FUBP3: variants seen among roughly 807,000 people sequenced by gnomAD.
FUBP3 encodes the protein far upstream element binding protein 3.
In FUBP3, 28 loss-of-function variants were observed where a neutral mutation model predicts 85.6. The observed-to-expected ratio is 0.33, with a 90% CI of 0.24 to 0.45. FUBP3 has a LOEUF of 0.45. Among genes scored for constraint, FUBP3 ranks in the 20% least tolerant of loss-of-function variants. The pLI, the probability that FUBP3 is intolerant of heterozygous loss-of-function variation, is 1.00. For missense variants in FUBP3, 583 were observed against 755.1 expected (o/e 0.77, Z 2.67); for synonymous variants, 271 against 271.4 (o/e 1.00, Z 0.01).
chr9:130,603,440 C>G (rs7851693), intron 2 of FUBP3, among the ~76,000 whole-genome samples: 49,932 of 151,488 alleles, frequency 0.33, 8,634 homozygotes, highest in East Asian at 0.5. Context: ...TGCCCTACCC[C>G]CCTACCTCAG....
intron 2 of FUBP3, among the ~76,000 whole-genome samples, chr9:130,599,328 TAC>T (rs1283902910): frequency 7.0e-6 from 1 of 143,882 alleles, no homozygotes. Flanking sequence ...TACACATATA[TAC>T]ACACATATAT....
At chr9:130,586,052 G>A (rs2119002807) in intron 1 of FUBP3, among the ~76,000 whole-genome samples, 1 of 152,330 alleles carries the variant, frequency 6.6e-6, no homozygotes, top group East Asian at 1.9e-4. Context: ...AGGCTGGAAT[G>A]CAGTGGCACG....
In FUBP3 at chr9:130,632,624, C is replaced by T. The variant is rs531440356; in HGVS notation, c.1510+346C>T. Among the ~76,000 whole-genome samples, 10 of 152,350 alleles carry T rather than the reference C, an allele frequency of 6.6e-5. No homozygotes were observed. The South Asian group carries it at 1.9e-3, about 28-fold the overall frequency. On this transcript the variant is annotated intron_variant, in intron 16 of 18. Coordinates refer to ENST00000319725, the MANE Select transcript of FUBP3 (RefSeq NM_003934.2). ...TGAGCCAGCTTCTGCTCCTCCTCTT[C>T]TCCACCCCTTGAGGGGCTGGTTCCT... is the stretch of plus-strand genomic sequence containing the variant.
chr9:130,597,027 C>T (rs1247169254), intron 2 of FUBP3, among the ~76,000 whole-genome samples: 1 of 151,628 alleles, frequency 6.6e-6, no homozygotes, highest in Admixed American at 6.6e-5. Flanking sequence ...AACCCCCCTC[C>T]CCCCTGAGTC....
rs1278867590 is a variant in FUBP3, at chr9:130,637,160, G to T, written c.*138G>T. On this transcript the variant is annotated 3_prime_UTR_variant, in exon 19 of 19. Transcript: ENST00000319725. ...TGTGAAACACTATATTTAGATTAAC[G>T]GAATTTTTCTAAAAATCAGGAAAAT... is the stretch of plus-strand genomic sequence containing the variant. 2.9e-6 allele frequency: 2 copies of T among 690,714 alleles called. No homozygotes were observed. Among genetic ancestry groups the T allele is most frequent in the Non-Finnish European group, 5.0e-6 (2 of 398,484 alleles). The allele number at this position is 690,714 out of a possible 1,614,324, so 42.8% of individuals were successfully genotyped here. A position where few individuals can be genotyped will look rare whatever the true frequency, so the allele number is the denominator to read the frequency against.
chr9:130,631,217 C>CGT, intron 13 of FUBP3: 1 of 1,222,560 alleles, frequency 8.2e-7, no homozygotes, highest in Non-Finnish European at 1.0e-6. Flanking sequence ...ACAGATGGGC[C>CGT]ACTGCTCACC....
chr9:130,582,938 A>G (rs1421755703), intron 1 of FUBP3, among the ~76,000 whole-genome samples: 1 of 152,168 alleles, frequency 6.6e-6, no homozygotes, highest in Non-Finnish European at 1.5e-5. Flanking sequence ...AACTACTAAT[A>G]CTTTTTAGGA....
intron 1 of FUBP3, among the ~76,000 whole-genome samples, chr9:130,591,319 T>C (rs1160287331): frequency 6.6e-6 from 1 of 152,128 alleles, no homozygotes; most frequent in East Asian, 1.9e-4. Flanking sequence ...GGCGCATGCC[T>C]GTAACCCCAG....
chr9:130,626,862 G>T (rs1247362203), intron 12 of FUBP3, among the ~76,000 whole-genome samples: 1 of 152,204 alleles, frequency 6.6e-6, no homozygotes, highest in Non-Finnish European at 1.5e-5. Context: ...AACTTAGAGG[G>T]ACGGTTGAGA....
At chr9:130,597,517 G>A (rs775194204) in intron 2 of FUBP3, among the ~76,000 whole-genome samples, 1 of 152,082 alleles carries the variant, frequency 6.6e-6, no homozygotes, top group South Asian at 2.1e-4. Context: ...TTTTCATCAC[G>A]CCATCAGCAA....
At chr9:130,583,571 T>C (rs1830219570) in intron 1 of FUBP3, among the ~76,000 whole-genome samples, 1 of 152,204 alleles carries the variant, frequency 6.6e-6, no homozygotes, top group South Asian at 2.1e-4. Flanking sequence ...GCTCAAGTCA[T>C]CATTTCACAA....
intron 3 of FUBP3, among the ~76,000 whole-genome samples, chr9:130,611,296 G>C (rs1189174165): frequency 6.6e-6 from 1 of 152,208 alleles, no homozygotes; most frequent in Non-Finnish European, 1.5e-5. Context: ...AGCACATCCT[G>C]ACAGGGACCT....
chr9:130,581,474 C>A (rs1443377289), intron 1 of FUBP3: 1 of 152,142 alleles, frequency 6.6e-6, no homozygotes, highest in Non-Finnish European at 1.5e-5. Flanking sequence ...CATACTATCT[C>A]CAAGGATTTG....
chr9:130,623,494 A>T, intron 10 of FUBP3, 117 bp from the exon 11 acceptor site: 1 of 689,578 alleles, frequency 1.5e-6, no homozygotes, highest in Non-Finnish European at 2.6e-6. Flanking sequence ...AGCTGGCAGT[A>T]TTCCTGTTGC....
chr9:130,609,740 G>C (rs894879725), intron 2 of FUBP3, among the ~76,000 whole-genome samples: 1 of 152,224 alleles, frequency 6.6e-6, no homozygotes, highest in African/African-American at 2.4e-5. Context: ...CCTGTGTTCA[G>C]CTGGACACTG....
Position 130,636,503 on chromosome 9 carries a change from G to A in FUBP3, c.1710+377G>A, listed in dbSNP as rs183264583. Among the ~76,000 whole-genome samples the A allele has an allele frequency of 2.3e-4, 35 of 152,372 alleles. No individual in the cohort carries two copies. In the East Asian group the frequency reaches 6.0e-3, roughly 26 times the overall value. On this transcript the variant is annotated intron_variant, in intron 18 of 18. Coordinates refer to ENST00000319725, the MANE Select transcript of FUBP3 (RefSeq NM_003934.2). Reference sequence around the variant, plus strand: ...GCGCTCCGGCGACTGCTCTCGAGGAGGGTGGAGTGGCCAGGCCGTCAGCCA... The same window carrying A: ...GCGCTCCGGCGACTGCTCTCGAGGAAGGTGGAGTGGCCAGGCCGTCAGCCA...
intron 12 of FUBP3, among the ~76,000 whole-genome samples, chr9:130,629,959 C>T (rs1335274463): frequency 6.6e-6 from 1 of 152,236 alleles, no homozygotes; most frequent in Non-Finnish European, 1.5e-5. Flanking sequence ...GACTGAGACT[C>T]TCCGCAGGTT....
Position 130,616,613 on chromosome 9 carries a change from T to C in FUBP3, c.567+96T>C. 8.2e-7 allele frequency: 1 copy of C among 1,214,738 alleles called. No homozygotes were observed. The highest frequency in any genetic ancestry group is 1.3e-5 in the South Asian group (1 of 74,796). The allele number at this position is 1,214,738 out of a possible 1,614,324, so 75.2% of individuals were successfully genotyped here. The stretch of plus-strand genomic sequence containing the variant: ...CTGCTTACGGCTGGCATTCCCTGGC[T>C]GGGCTGGCTTTGTGCAGCATTGTGC... On this transcript the variant is annotated intron_variant, in intron 7 of 18. Transcript: ENST00000319725. This position sits in a 1 kb window ranked among gnomAD's most constrained non-coding sequence, Gnocchi z 4.7.
intron 1 of FUBP3, chr9:130,581,358 T>G (rs979631575): frequency 3.3e-5 from 5 of 152,188 alleles, no homozygotes. Flanking sequence ...AAAACTTCAT[T>G]GGAATTGTTC....
Sources: allele counts gnomAD v4.1 joint callset (sites outside exome capture counted in the v4.1 genomes callset), GRCh38; gene constraint gnomAD v4.1.1; non-coding constraint Gnocchi (gnomAD v3.1); transcripts MANE v1.5; gene names NCBI Gene and HGNC (gene_info 2026-07-23, HGNC 2026-07-21).